The following DOCK3 variants were observed in gnomAD, a reference collection of about 807,000 sequenced individuals.
DOCK3 encodes dedicator of cytokinesis 3.
In DOCK3, 60 loss-of-function variants were observed where a neutral mutation model predicts 265.6. The ratio of observed to expected loss-of-function variants is 0.23; its 90% confidence interval spans 0.18 to 0.28. The LOEUF (loss-of-function observed/expected upper bound fraction) is 0.28, where lower values mean the gene tolerates loss of function less well. Among genes scored for constraint, DOCK3 ranks in the 10% least tolerant of loss-of-function variants. The pLI is 1.00. For synonymous variants in DOCK3, 881 were observed against 938.0 expected, an observed-to-expected ratio of 0.94 and a Z score of 1.11; for missense variants, 1,981 against 2,594.3, an observed-to-expected ratio of 0.76 and a Z score of 5.14.
chr3:51,252,165 T>C (rs1420838165), intron 22 of DOCK3, among the ~76,000 whole-genome samples: 1 of 152,172 alleles, frequency 6.6e-6, no homozygotes, highest in South Asian at 2.1e-4. Context: ...AAAGATCAGA[T>C]GGTTGTAGAT....
Position 51,356,131 on chromosome 3 carries a change from A to T in DOCK3, c.4292A>T (p.Asp1431Val), listed in dbSNP as rs1240180824. ...YAVTPIPDYVDVLQMDRVPDR... is the reference protein window; with the variant it reads ...YAVTPIPDYVVVLQMDRVPDR... ...GTGACGCCCATTCCAGATTATGTGG[A>T]TGTTCTGCAGATGGATAGGGTACCA... is the stretch of plus-strand genomic sequence containing the variant. Residue 1431 changes from aspartate (D) to valine (V), a missense_variant, in exon 42 of 53, where the codon GAT becomes GTT. Transcript: ENST00000266037. The T allele has an allele frequency of 6.2e-7, 1 of 1,613,844 alleles. No individual in the cohort carries two copies. The highest frequency in any genetic ancestry group is 1.3e-5 in the African/African-American group (1 of 74,904).
intron 32 of DOCK3, among the ~76,000 whole-genome samples, chr3:51,322,393 C>T (rs1030396561): frequency 6.6e-6 from 1 of 151,968 alleles, no homozygotes; most frequent in Non-Finnish European, 1.5e-5. Context: ...TTAGCAGAGA[C>T]GGAGTTTCAC....
intron 6 of DOCK3, among the ~76,000 whole-genome samples, chr3:51,072,752 C>T (rs1276096372): frequency 6.6e-6 from 1 of 151,938 alleles, no homozygotes; most frequent in East Asian, 1.9e-4. Flanking sequence ...GTCCCTGAAG[C>T]CCGAGTGAAG....
chr3:50,948,364 AT>A (rs1422288704), intron 5 of DOCK3, among the ~76,000 whole-genome samples: 1 of 123,804 alleles, frequency 8.1e-6, no homozygotes, highest in Non-Finnish European at 1.7e-5. Flanking sequence ...CTCTGCAGAT[AT>A]TTTTTGTGTG....
intron 5 of DOCK3, among the ~76,000 whole-genome samples, chr3:51,036,704 T>C (rs560397043): frequency 6.6e-6 from 1 of 152,066 alleles, no homozygotes; most frequent in South Asian, 2.1e-4. Context: ...TAACAAAACA[T>C]GTCGATATGG....
intron 23 of DOCK3, among the ~76,000 whole-genome samples, chr3:51,265,468 C>T (rs1480230866): frequency 2.6e-5 from 4 of 152,088 alleles, no homozygotes; most frequent in East Asian, 1.9e-4. Flanking sequence ...ACTGGCAAAC[C>T]GAATCCAGCA....
chr3:51,072,855 C>T (rs1475839716), intron 6 of DOCK3, among the ~76,000 whole-genome samples: 1 of 151,764 alleles, frequency 6.6e-6, no homozygotes, highest in Admixed American at 6.6e-5. Context: ...CAGTCACATG[C>T]CATCACAACC....
At chr3:51,155,661 C>T (rs1229054984) in intron 10 of DOCK3, among the ~76,000 whole-genome samples, 4 of 152,118 alleles carry the variant, frequency 2.6e-5, no homozygotes, top group Non-Finnish European at 5.9e-5. Flanking sequence ...CCTTTATTCT[C>T]TTTGAGGCCT....
At chr3:50,799,101 A>G (rs1186322743) in intron 2 of DOCK3, among the ~76,000 whole-genome samples, 3 of 152,274 alleles carry the variant, frequency 2.0e-5, no homozygotes, top group Non-Finnish European at 4.4e-5. Flanking sequence ...TTATGCCAGT[A>G]TCATGCTGTT....
chr3:51,039,777 A>C (rs114691309), intron 5 of DOCK3, among the ~76,000 whole-genome samples: 6,264 of 151,824 alleles, frequency 0.041, 419 homozygotes, highest in African/African-American at 0.14. Context: ...CTCTACCCGC[A>C]GTCTATCATC....
At chr3:51,369,420 G>T (rs773148118) in intron 49 of DOCK3, among the ~76,000 whole-genome samples, 1 of 152,144 alleles carries the variant, frequency 6.6e-6, no homozygotes, top group Non-Finnish European at 1.5e-5. Flanking sequence ...TAGCCGATTC[G>T]ATCAACTGGA....
intron 5 of DOCK3, among the ~76,000 whole-genome samples, chr3:50,943,288 A>C (rs1431675277): frequency 1.3e-5 from 2 of 152,110 alleles, no homozygotes; most frequent in Non-Finnish European, 1.5e-5. Flanking sequence ...TGTTTTGTAA[A>C]TATCTACATT....
At chr3:51,131,543 C>T (rs2084542436) in intron 9 of DOCK3, among the ~76,000 whole-genome samples, 2 of 152,126 alleles carry the variant, frequency 1.3e-5, no homozygotes, top group Non-Finnish European at 2.9e-5. Context: ...GATTCGGGGC[C>T]ATGATTCTCT....
At chr3:51,197,222 TG>T (rs1299116897) in intron 12 of DOCK3, among the ~76,000 whole-genome samples, 5 of 151,880 alleles carry the variant, frequency 3.3e-5, no homozygotes, top group Non-Finnish European at 7.4e-5. Context: ...GGATGCCAGG[TG>T]GGCCAGTGAT....
intron 3 of DOCK3, among the ~76,000 whole-genome samples, chr3:50,842,903 T>C (rs895643338): frequency 6.6e-6 from 1 of 152,222 alleles, no homozygotes; most frequent in Non-Finnish European, 1.5e-5. Context: ...ATTTGTGATA[T>C]TGCGTGCTAT....
At chr3:51,256,800 G>C (rs1333610341) in intron 22 of DOCK3, among the ~76,000 whole-genome samples, 1 of 151,916 alleles carries the variant, frequency 6.6e-6, no homozygotes, top group Non-Finnish European at 1.5e-5. Context: ...TCACCCTGTT[G>C]GTCAGGCTGG....
intron 12 of DOCK3, among the ~76,000 whole-genome samples, chr3:51,172,900 A>G (rs1310043278): frequency 1.3e-5 from 2 of 152,170 alleles, no homozygotes; most frequent in Admixed American, 1.3e-4. Flanking sequence ...TACAATAGCA[A>G]TTGTGTGTGA....
chr3:50,852,010 G>A (rs1407391045), intron 3 of DOCK3, among the ~76,000 whole-genome samples: 1 of 152,190 alleles, frequency 6.6e-6, no homozygotes, highest in Non-Finnish European at 1.5e-5. Flanking sequence ...TTTAACTCCA[G>A]TGCTTGGGAG....
chr3:50,850,100 G>T (rs1248934714), intron 3 of DOCK3, among the ~76,000 whole-genome samples: 1 of 151,610 alleles, frequency 6.6e-6, no homozygotes, highest in East Asian at 1.9e-4. Context: ...CTTTGTGTTG[G>T]CTGGGCGTGG....
Sources: allele counts gnomAD v4.1 joint callset (sites outside exome capture counted in the v4.1 genomes callset), GRCh38; gene constraint gnomAD v4.1.1; transcripts MANE v1.5; gene names NCBI Gene and HGNC (gene_info 2026-07-23, HGNC 2026-07-21).